NCALD: variants seen among roughly 807,000 people sequenced by gnomAD.
NCALD encodes the protein neurocalcin delta, also known as neurocalcin-delta.
In NCALD, 10 loss-of-function variants were observed where a neutral mutation model predicts 18.6. The ratio of observed to expected loss-of-function variants is 0.54; its 90% CI spans 0.33 to 0.91. NCALD has a LOEUF of 0.91. NCALD is among the 40% of genes least tolerant of loss of function. The pLI is 0.03. For missense variants in NCALD, 184 were observed against 247.6 expected (o/e 0.74, Z 1.72); for synonymous variants, 88 against 87.4 (o/e 1.01, Z -0.04).
intron 1 of NCALD, among the ~76,000 whole-genome samples, chr8:102,102,230 CA>C (rs772486611): frequency 6.6e-6 from 1 of 151,522 alleles, no homozygotes; most frequent in East Asian, 1.9e-4. Flanking sequence ...GCAGGTAATA[CA>C]AAAAAAAATT....
chr8:101,803,050 GGAA>G (rs1391306488), intron 4 of NCALD, among the ~76,000 whole-genome samples: 1 of 152,150 alleles, frequency 6.6e-6, no homozygotes, highest in Non-Finnish European at 1.5e-5. Context: ...GCCTCTGATT[GGAA>G]GAAGATGCCA....
intron 4 of NCALD, among the ~76,000 whole-genome samples, chr8:101,815,815 A>G (rs1813474232): frequency 6.6e-6 from 1 of 152,162 alleles, no homozygotes; most frequent in Admixed American, 6.6e-5. Flanking sequence ...ATAAGCTGAA[A>G]ACTGATGTCC....
intron 2 of NCALD, among the ~76,000 whole-genome samples, chr8:101,943,953 C>CA (rs1026267971): frequency 1.5e-5 from 2 of 137,888 alleles, no homozygotes; most frequent in Non-Finnish European, 3.2e-5. Context: ...AAAAACAAAA[C>CA]AAAAAACAAA....
chr8:102,098,544 C>A (rs562110621), intron 1 of NCALD, among the ~76,000 whole-genome samples: 4 of 152,302 alleles, frequency 2.6e-5, no homozygotes, highest in East Asian at 3.9e-4. Flanking sequence ...AGAAATAATT[C>A]TTCAATTAAA....
chr8:101,801,313 A>G (rs1812841695), intron 4 of NCALD, among the ~76,000 whole-genome samples: 1 of 152,232 alleles, frequency 6.6e-6, no homozygotes, highest in Admixed American at 6.5e-5. Flanking sequence ...AGAAAAAAGT[A>G]GAAATATAGA....
chr8:102,005,827 A>G (rs1201465821), intron 2 of NCALD, among the ~76,000 whole-genome samples: 1 of 140,428 alleles, frequency 7.1e-6, no homozygotes, highest in African/African-American at 2.6e-5. Context: ...GAATTGAACA[A>G]TGAGAACACA....
intron 3 of NCALD, among the ~76,000 whole-genome samples, chr8:101,890,010 G>A (rs1471572447): frequency 6.6e-6 from 1 of 152,188 alleles, no homozygotes; most frequent in Non-Finnish European, 1.5e-5. Context: ...AGGCAAAGTT[G>A]ATAAATTTGC....
chr8:102,012,950 A>T (rs547671220), intron 2 of NCALD, among the ~76,000 whole-genome samples: 3 of 152,324 alleles, frequency 2.0e-5, no homozygotes, highest in African/African-American at 7.2e-5. Context: ...ATGTAATAAT[A>T]TATAACAATC....
At chr8:101,849,687 A>G (rs890396616) in intron 4 of NCALD, among the ~76,000 whole-genome samples, 5 of 152,184 alleles carry the variant, frequency 3.3e-5, no homozygotes, top group African/African-American at 1.2e-4. Context: ...AATCTTTCTA[A>G]AATTAGCCAA....
chr8:101,895,151 C>A (rs1311418738), intron 3 of NCALD, among the ~76,000 whole-genome samples: 15 of 151,098 alleles, frequency 9.9e-5, no homozygotes, highest in African/African-American at 2.7e-4. Flanking sequence ...AGCACATCAA[C>A]AAGCTTATCC....
chr8:101,762,644 G>A (rs1488914657), intron 1 of NCALD, among the ~76,000 whole-genome samples: 3 of 147,826 alleles, frequency 2.0e-5, no homozygotes, highest in African/African-American at 5.0e-5. Context: ...GTGTGATATC[G>A]ACTCACTGCA....
intron 2 of NCALD, among the ~76,000 whole-genome samples, chr8:101,921,051 C>G (rs1450494964): frequency 6.6e-6 from 1 of 152,022 alleles, no homozygotes; most frequent in South Asian, 2.1e-4. Context: ...TCAGCATGTC[C>G]GATTGAGAAG....
chr8:101,941,361 G>A (rs1341252027), intron 2 of NCALD, among the ~76,000 whole-genome samples: 1 of 152,212 alleles, frequency 6.6e-6, no homozygotes, highest in Non-Finnish European at 1.5e-5. Context: ...GAGAATCCAA[G>A]GCCACTGCGG....
intron 2 of NCALD, among the ~76,000 whole-genome samples, chr8:102,003,786 T>C (rs1217496647): frequency 6.6e-6 from 1 of 152,228 alleles, no homozygotes; most frequent in Admixed American, 6.5e-5. Context: ...ACCACATGAT[T>C]ATCTCAATAG....
Position 101,687,593 on chromosome 8 carries a change from T to C in NCALD, c.*1716A>G, listed in dbSNP as rs986490564. On this transcript the variant is annotated 3_prime_UTR_variant, in exon 4 of 4. Transcript: ENST00000220931. ...ATATATAAAAACCTGGAGGTTAGCA[T>C]GTCTAGTCACATTTTTCTCCTGGTC... 6.6e-6 allele frequency: 1 copy of C among 152,342 alleles called. No homozygotes were observed. Among genetic ancestry groups the C allele is most frequent in the Non-Finnish European group, 1.5e-5 (1 of 68,046 alleles). The allele number at this position is 152,342 out of a possible 1,614,324, so 9.4% of individuals were successfully genotyped here.
intron 2 of NCALD, among the ~76,000 whole-genome samples, chr8:101,972,184 G>A (rs948271235): frequency 4.6e-5 from 7 of 152,040 alleles, no homozygotes; most frequent in African/African-American, 1.2e-4. Flanking sequence ...TCAAGAACAC[G>A]GAAAAAAATC....
intron 2 of NCALD, among the ~76,000 whole-genome samples, chr8:101,951,208 CAGT>C (rs1203032586): frequency 6.6e-6 from 1 of 152,102 alleles, no homozygotes; most frequent in Non-Finnish European, 1.5e-5. Flanking sequence ...ACGATGAGGA[CAGT>C]ATTATAGGAG....
chr8:101,881,696 G>A (rs1816499720), intron 4 of NCALD, among the ~76,000 whole-genome samples: 1 of 152,028 alleles, frequency 6.6e-6, no homozygotes, highest in Non-Finnish European at 1.5e-5. Flanking sequence ...AAACTTTGAG[G>A]GTAAAATTTT....
At chr8:101,914,282 C>T (rs1167047672) in intron 3 of NCALD, among the ~76,000 whole-genome samples, 1 of 152,168 alleles carries the variant, frequency 6.6e-6, no homozygotes, top group Admixed American at 6.5e-5. Context: ...ATGCTTTTCT[C>T]ATAATTAGAC....
Sources: gnomAD v4.1 joint callset for allele counts (sites outside exome capture counted in the v4.1 genomes callset) on GRCh38, gnomAD v4.1.1 for gene constraint, MANE v1.5 for transcripts, NCBI Gene and HGNC (gene_info 2026-07-23, HGNC 2026-07-21) for gene names.